WDR72: variants seen among roughly 807,000 people sequenced by gnomAD.
WDR72 encodes WD repeat-containing protein 72.
A neutral mutation model predicts 124.2 loss-of-function variants in WDR72; 120 were observed. That is an observed-to-expected ratio of 0.97 (90% CI 0.83 to 1.12). The LOEUF (loss-of-function observed/expected upper bound fraction) is 1.12. WDR72 is among the 50% of genes most tolerant of loss of function. WDR72 has a pLI of 0.00. For missense variants in WDR72, 1,387 were observed against 1,278.8 expected, an observed-to-expected ratio of 1.08 and a Z score of -1.29; for synonymous variants, 452 against 441.7, an observed-to-expected ratio of 1.02 and a Z score of -0.29.
rs142658341 is a variant in WDR72 at position 53,556,189 on chromosome 15, C to G, written c.3149-32867G>C. Among the ~76,000 whole-genome samples, 189 of 152,100 alleles carry G rather than the reference C, an allele frequency of 1.2e-3. 1 individual carries two copies. Among genetic ancestry groups the G allele is most frequent in the African/African-American group, 4.4e-3 (181 of 41,506 alleles). On this transcript the variant is annotated intron_variant, in intron 18 of 19. Transcript: ENST00000360509. ...TAAATGAGGCAATACAATGTCCATC[C>G]TTGGAGAAAATATTTTACCAACAGT...
At chr15:53,663,600 TTGA>T (rs1351761074) in intron 14 of WDR72, among the ~76,000 whole-genome samples, 1 of 152,138 alleles carries the variant, frequency 6.6e-6, no homozygotes, top group Non-Finnish European at 1.5e-5. Context: ...AAAATGACAC[TTGA>T]TGAATGAGAT....
At chr15:53,614,691 GATCATGATTAGACCAATAA>G (rs2140365945) in intron 15 of WDR72, among the ~76,000 whole-genome samples, 1 of 152,068 alleles carries the variant, frequency 6.6e-6, no homozygotes, top group African/African-American at 2.4e-5. Context: ...TGCTCTGTGG[GATCATGATTAGACCAATAA>G]ATCAAACTGG....
intron 13 of WDR72, among the ~76,000 whole-genome samples, chr15:53,695,290 T>C (rs1279550428): frequency 1.3e-5 from 2 of 152,224 alleles, no homozygotes; most frequent in African/African-American, 2.4e-5. Flanking sequence ...GTAAATCCAC[T>C]ACTGTGAAAA....
At chr15:53,711,011 T>C (rs2017520167) in intron 8 of WDR72, 58 bp from the exon 9 acceptor site, 16 of 1,446,934 alleles carry the variant, frequency 1.1e-5, no homozygotes, top group Admixed American at 5.1e-5. Context: ...ATTCGTTTTT[T>C]TTCCCCCTCC....
chr15:53,670,942 T>C (rs1407162174), intron 13 of WDR72, among the ~76,000 whole-genome samples: 6 of 152,192 alleles, frequency 3.9e-5, no homozygotes, highest in African/African-American at 1.4e-4. Flanking sequence ...CAGGGCTTCC[T>C]ACCTGAGACT....
intron 18 of WDR72, among the ~76,000 whole-genome samples, chr15:53,583,044 A>G (rs1046252443): frequency 4.6e-5 from 7 of 151,960 alleles, no homozygotes; most frequent in Non-Finnish European, 1.0e-4. Flanking sequence ...TGTAAATTCC[A>G]TCCTCTACAT....
At chr15:53,758,781 GGCGGTGC>G (rs2018984931) in intron 1 of WDR72, among the ~76,000 whole-genome samples, 2 of 108,668 alleles carry the variant, frequency 1.8e-5, no homozygotes, top group African/African-American at 3.1e-5. Context: ...GGGGGGGGGG[GGCGGTGC>G]GGGCGGGGGA....
chr15:53,648,634 C>T (rs970119072), intron 14 of WDR72, among the ~76,000 whole-genome samples: 7 of 151,944 alleles, frequency 4.6e-5, no homozygotes, highest in South Asian at 2.1e-4. Flanking sequence ...ATTCACATAA[C>T]GAATAACCAA....
intron 18 of WDR72, among the ~76,000 whole-genome samples, chr15:53,588,922 C>T (rs2012356250): frequency 6.6e-6 from 1 of 151,808 alleles, no homozygotes; most frequent in Non-Finnish European, 1.5e-5. Context: ...ATGGGGGCTA[C>T]TGTAAGAGAC....
At chr15:53,554,775 C>T (rs1487464180) in intron 18 of WDR72, among the ~76,000 whole-genome samples, 2 of 152,032 alleles carry the variant, frequency 1.3e-5, no homozygotes, top group African/African-American at 2.4e-5. Context: ...ACTTCTTTGT[C>T]CCGTCTACAC....
At chr15:53,578,875 T>A (rs1264196385) in intron 18 of WDR72, among the ~76,000 whole-genome samples, 1 of 152,152 alleles carries the variant, frequency 6.6e-6, no homozygotes, top group Non-Finnish European at 1.5e-5. Flanking sequence ...GTGACATTGC[T>A]GATAGCAAAA....
chr15:53,664,288 G>T (rs545118164), intron 14 of WDR72, among the ~76,000 whole-genome samples: 1 of 152,212 alleles, frequency 6.6e-6, no homozygotes, highest in Non-Finnish European at 1.5e-5. Context: ...TAACCAGAAT[G>T]CCAATTAAAG....
rs937901040 is a variant in WDR72 at position 53,516,665 on chromosome 15, A to G, written c.*1034T>C. 1 of 152,184 alleles carries G rather than the reference A, an allele frequency of 6.6e-6. No individual in the cohort carries two copies. Among genetic ancestry groups the G allele is most frequent in the East Asian group, 1.9e-4 (1 of 5,162 alleles). The allele number at this position is 152,184 out of a possible 1,614,324, so 9.4% of individuals were successfully genotyped here. A position where few individuals can be genotyped will look rare whatever the true frequency, so the allele number is the denominator to read the frequency against. On this transcript the variant is annotated 3_prime_UTR_variant, in exon 20 of 20. Coordinates refer to ENST00000360509, the MANE Select transcript of WDR72 (RefSeq NM_182758.4). The stretch of plus-strand genomic sequence containing the variant: ...ACTTGGACTTCCCTATTAGATACAT[A>G]GATAGATAGATATAGCTATATATCA...
chr15:53,634,462 A>G (rs923729624), intron 14 of WDR72, among the ~76,000 whole-genome samples: 1 of 152,218 alleles, frequency 6.6e-6, no homozygotes, highest in African/African-American at 2.4e-5. Context: ...GGCCACACAT[A>G]AAATATACTA....
In WDR72 at chr15:53,515,198, A is replaced by T. The variant is rs550217708; in HGVS notation, c.*2501T>A. On this transcript the variant is annotated 3_prime_UTR_variant, in exon 20 of 20. Transcript: ENST00000360509. ...AATTTTTTATTACAATGACAGGAAG[A>T]CTCCGGATACAAACACATTTGCTAA... 2 of 151,678 alleles carry T rather than the reference A, an allele frequency of 1.3e-5. No individual in the cohort carries two copies. Among genetic ancestry groups the T allele is most frequent in the South Asian group, 2.1e-4 (1 of 4,786 alleles). The allele number at this position is 151,678 out of a possible 1,614,324, so 9.4% of individuals were successfully genotyped here. A position where few individuals can be genotyped will look rare whatever the true frequency, so the allele number is the denominator to read the frequency against.
chr15:53,706,460 C>A (rs1254094648), intron 9 of WDR72, among the ~76,000 whole-genome samples: 3 of 146,840 alleles, frequency 2.0e-5, no homozygotes, highest in Non-Finnish European at 3.0e-5. Context: ...CTCACAATAA[C>A]CCTATAAAAT....
chr15:53,641,603 G>GCT (rs1280614148), intron 14 of WDR72, among the ~76,000 whole-genome samples: 10 of 151,868 alleles, frequency 6.6e-5, no homozygotes, highest in Non-Finnish European at 1.0e-4. Flanking sequence ...TAGTGTGCTT[G>GCT]CTCTCTGGGA....
At chr15:53,582,725 A>G (rs2011996629) in intron 18 of WDR72, among the ~76,000 whole-genome samples, 1 of 152,038 alleles carries the variant, frequency 6.6e-6, no homozygotes, top group Non-Finnish European at 1.5e-5. Context: ...ATAAACTAAC[A>G]TATATAATAA....
At chr15:53,596,706 G>C (rs2140338894) in intron 18 of WDR72, among the ~76,000 whole-genome samples, 1 of 152,166 alleles carries the variant, frequency 6.6e-6, no homozygotes, top group East Asian at 1.9e-4. Flanking sequence ...GATTATAATA[G>C]GATCTAGAAG....
Sources: allele counts gnomAD v4.1 joint callset (sites outside exome capture counted in the v4.1 genomes callset), GRCh38; gene constraint gnomAD v4.1.1; transcripts MANE v1.5; gene names NCBI Gene and HGNC (gene_info 2026-07-23, HGNC 2026-07-21).